Variants in TP53INP1 observed in about 807,000 individuals in gnomAD.
TP53INP1 encodes the protein tumor protein p53-inducible nuclear protein 1.
In TP53INP1, 12 loss-of-function variants were observed where a neutral mutation model predicts 21.0. The ratio of observed to expected loss-of-function variants is 0.57; its 90% CI spans 0.37 to 0.93. TP53INP1 has a LOEUF of 0.93. Ranked by LOEUF, TP53INP1 falls within the 40% of genes least tolerant of loss-of-function variation. The pLI is 0.01. For synonymous variants in TP53INP1, 91 were observed against 94.8 expected (o/e 0.96, Z 0.23); for missense variants, 274 against 294.7 (o/e 0.93, Z 0.51).
intron 3 of TP53INP1, among the ~76,000 whole-genome samples, chr8:94,936,251 G>A (rs944889105): frequency 6.6e-5 from 10 of 152,182 alleles, no homozygotes; most frequent in Non-Finnish European, 1.0e-4. Context: ...CTAATTAGGA[G>A]GGCAGTGCCC....
In TP53INP1 at chr8:94,943,547, C is replaced by G. The variant is rs116050457; in HGVS notation, c.-150-2456G>C. 3.8e-3 allele frequency among the ~76,000 whole-genome samples: 586 copies of G among 152,290 alleles called. 6 individuals are homozygous for G. Among genetic ancestry groups the G allele is most frequent in the African/African-American group, 0.014 (568 of 41,558 alleles). On this transcript the variant is annotated intron_variant, in intron 1 of 3. Transcript: ENST00000342697. ...GGCTGAAGAAATGCACCTCACTAAT[C>G]ACCACCTCTTTTTATCACAAGCATC...
In TP53INP1 at chr8:94,931,346, A is replaced by G. The variant is rs560959798; in HGVS notation, c.474-618T>C. On this transcript the variant is annotated intron_variant, in intron 3 of 3. Transcript: ENST00000342697. The stretch of plus-strand genomic sequence containing the variant: ...CTCTTAAGTTTTTCTTTATCTCACA[A>G]CAGGGCACATTTTGAGATGGTATTT... Among the ~76,000 whole-genome samples the G allele has an allele frequency of 2.6e-5, 4 of 152,330 alleles. No individual in the cohort carries two copies. The South Asian group carries it at 8.3e-4, about 32-fold the overall frequency.
intron 3 of TP53INP1, among the ~76,000 whole-genome samples, chr8:94,938,955 G>A (rs543769917): frequency 6.6e-6 from 1 of 152,268 alleles, no homozygotes; most frequent in Admixed American, 6.5e-5. Context: ...TTTAACCTAT[G>A]GGATCTGATG....
chr8:94,941,355 A>G (rs1190816154), intron 1 of TP53INP1, among the ~76,000 whole-genome samples: 1 of 152,158 alleles, frequency 6.6e-6, no homozygotes, highest in Non-Finnish European at 1.5e-5. Flanking sequence ...CTTTTATAAT[A>G]AGGTGAATTT....
rs566836273 is a variant in TP53INP1 at position 94,933,809 on chromosome 8, T to A, written c.474-3081A>T. Reference sequence around the variant, plus strand: ...CAACTATACATCTGGGCATGGTGGCTCATGCCTGTAATCCCAGCACTTTGT... The same window carrying A: ...CAACTATACATCTGGGCATGGTGGCACATGCCTGTAATCCCAGCACTTTGT... On this transcript the variant is annotated intron_variant, in intron 3 of 3. Coordinates refer to ENST00000342697, the MANE Select transcript of TP53INP1 (RefSeq NM_033285.4). Among the ~76,000 whole-genome samples the A allele has an allele frequency of 2.5e-5, 3 of 120,334 alleles. No individual in the cohort carries two copies. The South Asian group carries it at 9.4e-4, about 38-fold the overall frequency. The allele number at this position is 120,334 out of a possible 152,430, so 78.9% of individuals were successfully genotyped here.
intron 1 of TP53INP1, among the ~76,000 whole-genome samples, chr8:94,946,225 C>A (rs1821976623): frequency 6.6e-6 from 1 of 152,006 alleles, no homozygotes; most frequent in Admixed American, 6.6e-5. Flanking sequence ...CATATTATTA[C>A]ATGAGTAGAG....
intron 3 of TP53INP1, among the ~76,000 whole-genome samples, chr8:94,938,303 AT>A (rs1236474330): frequency 6.6e-6 from 1 of 152,212 alleles, no homozygotes; most frequent in East Asian, 1.9e-4. Flanking sequence ...TTGTGCCAGT[AT>A]TTTTTGAGTT....
chr8:94,933,033 A>G (rs1249286777), intron 3 of TP53INP1, among the ~76,000 whole-genome samples: 1 of 152,152 alleles, frequency 6.6e-6, no homozygotes, highest in African/African-American at 2.4e-5. Context: ...CCTGGCCAAT[A>G]TGGTGAAACC....
At chr8:94,937,820 G>A (rs567425747) in intron 3 of TP53INP1, among the ~76,000 whole-genome samples, 1 of 152,114 alleles carries the variant, frequency 6.6e-6, no homozygotes, top group African/African-American at 2.4e-5. Context: ...AGCCAACAAC[G>A]AATGCAGCTG....
intron 1 of TP53INP1, among the ~76,000 whole-genome samples, chr8:94,941,626 C>A (rs1821543554): frequency 6.6e-6 from 1 of 152,226 alleles, no homozygotes; most frequent in Non-Finnish European, 1.5e-5. Flanking sequence ...CTACAGCTGG[C>A]ATGAAGAAAT....
Position 94,940,960 on chromosome 8 carries a change from A to C in TP53INP1, c.-19T>G. 1 of 1,590,976 alleles carries C rather than the reference A, an allele frequency of 6.3e-7. No individual in the cohort carries two copies. The highest frequency in any genetic ancestry group is 1.7e-5 in the Admixed American group (1 of 58,838). ...GGAACATTGTTAAGGCAAGACTGAGAGTTTGGCTGGATGTCTTTTATAGCT... is the reference window on the plus strand; with the variant it reads ...GGAACATTGTTAAGGCAAGACTGAGCGTTTGGCTGGATGTCTTTTATAGCT... On this transcript the variant is annotated 5_prime_UTR_variant, in exon 2 of 4. Transcript: ENST00000342697.
At chr8:94,936,491 G>A (rs1212484097) in intron 3 of TP53INP1, among the ~76,000 whole-genome samples, 1 of 152,128 alleles carries the variant, frequency 6.6e-6, no homozygotes, top group Non-Finnish European at 1.5e-5. Context: ...TTGGAAGGAT[G>A]CTACTTTGAT....
At chr8:94,948,388 G>C (rs1256139513) in intron 1 of TP53INP1, among the ~76,000 whole-genome samples, 1 of 152,184 alleles carries the variant, frequency 6.6e-6, no homozygotes, top group East Asian at 1.9e-4. Context: ...CATAGTATAT[G>C]GCACATACTC....
chr8:94,938,685 A>G (rs1821227175), intron 3 of TP53INP1, among the ~76,000 whole-genome samples: 1 of 152,192 alleles, frequency 6.6e-6, no homozygotes, highest in Admixed American at 6.5e-5. Flanking sequence ...GCCTCTGGAG[A>G]GCTGAACATG....
At chr8:94,948,751 CGGA>C (rs1361118806) in intron 1 of TP53INP1, among the ~76,000 whole-genome samples, 4 of 152,096 alleles carry the variant, frequency 2.6e-5, no homozygotes, top group East Asian at 3.9e-4. Context: ...CGAGAGCAGG[CGGA>C]GGAGGAGGAG....
chr8:94,938,745 T>C (rs1368119523), intron 3 of TP53INP1, among the ~76,000 whole-genome samples: 2 of 152,258 alleles, frequency 1.3e-5, no homozygotes, highest in African/African-American at 4.8e-5. Flanking sequence ...CCTTGCCTTA[T>C]GCATCCCTTC....
At chr8:94,936,254 C>A (rs1470058468) in intron 3 of TP53INP1, among the ~76,000 whole-genome samples, 1 of 152,170 alleles carries the variant, frequency 6.6e-6, no homozygotes, top group African/African-American at 2.4e-5. Flanking sequence ...ATTAGGAGGG[C>A]AGTGCCCAGA....
Position 94,929,034 on chromosome 8 carries a change from G to A in TP53INP1, c.*1445C>T, listed in dbSNP as rs376762942. 23 of 152,534 alleles carry A rather than the reference G, an allele frequency of 1.5e-4. No homozygotes were observed. The highest frequency in any genetic ancestry group is 1.3e-4 in the Non-Finnish European group (9 of 68,046). 9.4% of individuals were successfully genotyped at this position (152,534 alleles called of 1,614,324 possible). A position where few individuals can be genotyped will look rare whatever the true frequency, so the allele number is the denominator to read the frequency against. ...GCTCAGCAAAACCCATCACAACTGC[G>A]GAAAAAGGAAGTGACTGGCTAGAGG... On this transcript the variant is annotated 3_prime_UTR_variant, in exon 4 of 4. Transcript: ENST00000342697.
chr8:94,930,812 G>T, intron 3 of TP53INP1, 84 bp from the exon 4 acceptor site: 1 of 1,456,096 alleles, frequency 6.9e-7, no homozygotes. Flanking sequence ...AATTCAATTT[G>T]CCACGCTAAT....
Sources: gnomAD v4.1 joint callset for allele counts (sites outside exome capture counted in the v4.1 genomes callset) on GRCh38, gnomAD v4.1.1 for gene constraint, MANE v1.5 for transcripts, NCBI Gene and HGNC (gene_info 2026-07-23, HGNC 2026-07-21) for gene names.